Variants in LYZL2 observed in about 807,000 individuals in gnomAD.
LYZL2 encodes the protein lysozyme like 2, also known as lysozyme-like protein 2.
LYZL2 carries 13 observed loss-of-function variants against 17.1 expected under a neutral mutation model. The observed-to-expected ratio is 0.76, with a 90% CI of 0.49 to 1.21. The LOEUF (loss-of-function observed/expected upper bound fraction) is 1.21. Ranked by LOEUF, LYZL2 falls within the 50% of genes most tolerant of loss-of-function variation. The probability of loss-of-function intolerance (pLI) is 0.00; values close to 1 mark genes in which losing one functional copy is unlikely to be tolerated. For synonymous variants in LYZL2, 63 were observed against 74.4 expected (o/e 0.85, Z 0.79); for missense variants, 166 against 189.2 (o/e 0.88, Z 0.72).
chr10:30,618,725 A>G (rs1202605389), intron 3 of LYZL2, among the ~76,000 whole-genome samples: 1 of 152,246 alleles, frequency 6.6e-6, no homozygotes, highest in African/African-American at 2.4e-5. Context: ...TAAAAACCCT[A>G]GAAGAAAACC....
chr10:30,626,412 G>C, intron 2 of LYZL2, 149 bp from the exon 3 acceptor site: 6 of 1,317,242 alleles, frequency 4.6e-6, no homozygotes, highest in Non-Finnish European at 5.1e-6. Context: ...TGCCCAGGGG[G>C]CACACGAGGG....
intron 3 of LYZL2, among the ~76,000 whole-genome samples, chr10:30,617,639 C>A (rs1239083155): frequency 1.1e-4 from 13 of 114,962 alleles, no homozygotes; most frequent in Middle Eastern, 0.017. Flanking sequence ...CGTGCCACTG[C>A]ACTTCAGCCT....
At chr10:30,617,656 CAG>C (rs1838551752) in intron 3 of LYZL2, among the ~76,000 whole-genome samples, 1 of 84,864 alleles carries the variant, frequency 1.2e-5, no homozygotes, top group South Asian at 4.6e-4. Flanking sequence ...GCCTGGGTGA[CAG>C]AGTGAGACTC....
chr10:30,611,556 AAG>A (rs1564405771), downstream of LYZL2, among the ~76,000 whole-genome samples: 28 of 100,194 alleles, frequency 2.8e-4, no homozygotes, highest in East Asian at 5.7e-4. Context: ...GGAAGGAAGG[AAG>A]GAAGGAAGGA....
intron 3 of LYZL2, among the ~76,000 whole-genome samples, chr10:30,618,358 G>A (rs1267414873): frequency 4.6e-5 from 7 of 152,178 alleles, no homozygotes; most frequent in Admixed American, 2.0e-4. Context: ...AAAAGAGCCC[G>A]CATTGTCAAG....
At chr10:30,622,913 C>A (rs541381514) in intron 3 of LYZL2, among the ~76,000 whole-genome samples, 3 of 152,222 alleles carry the variant, frequency 2.0e-5, no homozygotes, top group Admixed American at 6.5e-5. Context: ...AAATAATTCA[C>A]CTTAAATATA....
intron 3 of LYZL2, among the ~76,000 whole-genome samples, chr10:30,618,155 A>T (rs1016455399): frequency 7.2e-5 from 11 of 152,076 alleles, no homozygotes; most frequent in African/African-American, 2.4e-4. Flanking sequence ...ACTACAAACC[A>T]CTGCTCAAGG....
intron 3 of LYZL2, among the ~76,000 whole-genome samples, chr10:30,613,773 T>A (rs1423540798): frequency 2.0e-5 from 3 of 152,190 alleles, no homozygotes; most frequent in Non-Finnish European, 2.9e-5. Context: ...TGGAGTGCAG[T>A]GGCATGATAA....
intron 3 of LYZL2, among the ~76,000 whole-genome samples, chr10:30,624,687 G>A (rs962379837): frequency 1.3e-5 from 2 of 152,200 alleles, no homozygotes; most frequent in African/African-American, 4.8e-5. Context: ...CATATGCCTG[G>A]CTATTTTTAA....
intron 3 of LYZL2, among the ~76,000 whole-genome samples, chr10:30,620,950 C>G (rs78984160): frequency 6.6e-6 from 1 of 151,308 alleles, no homozygotes; most frequent in Non-Finnish European, 1.5e-5. Flanking sequence ...TACTAAAAAA[C>G]GAGGAACCTC....
chr10:30,608,753 A>G (rs1838401250), downstream of LYZL2, among the ~76,000 whole-genome samples: 2 of 152,224 alleles, frequency 1.3e-5, no homozygotes, highest in South Asian at 4.1e-4. Context: ...TTGAAAACAA[A>G]AATGTTCTTA....
intron 3 of LYZL2, among the ~76,000 whole-genome samples, chr10:30,620,640 C>T (rs889384860): frequency 6.6e-6 from 1 of 152,018 alleles, no homozygotes; most frequent in Admixed American, 6.6e-5. Flanking sequence ...AGAAATGTGA[C>T]ACATACTAAG....
chr10:30,622,910 T>G (rs1221872517), intron 3 of LYZL2, among the ~76,000 whole-genome samples: 2 of 152,212 alleles, frequency 1.3e-5, no homozygotes, highest in Non-Finnish European at 2.9e-5. Flanking sequence ...TATAAATAAT[T>G]CACCTTAAAT....
chr10:30,608,768 G>A (rs974091318), downstream of LYZL2, among the ~76,000 whole-genome samples: 3 of 152,152 alleles, frequency 2.0e-5, no homozygotes, highest in African/African-American at 4.8e-5. Context: ...TTCTTAATGC[G>A]AGGTCTGATT....
chr10:30,615,108 C>T (rs1252985456), intron 3 of LYZL2, among the ~76,000 whole-genome samples: 1 of 152,062 alleles, frequency 6.6e-6, no homozygotes, highest in Non-Finnish European at 1.5e-5. Context: ...ATATGGCAGG[C>T]ATTAGCAACA....
intron 1 of LYZL2, among the ~76,000 whole-genome samples, chr10:30,627,900 C>T (rs1210146695): frequency 6.6e-6 from 1 of 152,202 alleles, no homozygotes; most frequent in Non-Finnish European, 1.5e-5. Context: ...TGGCTCACGC[C>T]TGTAATCCCG....
At chr10:30,622,199 G>C (rs559299359) in intron 3 of LYZL2, among the ~76,000 whole-genome samples, 1 of 152,080 alleles carries the variant, frequency 6.6e-6, no homozygotes, top group South Asian at 2.1e-4. Context: ...AGAAAAAATG[G>C]AACCAAGAAT....
At chr10:30,619,747 C>T (rs1277576410) in intron 3 of LYZL2, among the ~76,000 whole-genome samples, 1 of 151,906 alleles carries the variant, frequency 6.6e-6, no homozygotes, top group Non-Finnish European at 1.5e-5. Flanking sequence ...TTAATGAGTG[C>T]AGCACACCAA....
At chr10:30,614,208 AT>A (rs1838492931) in intron 3 of LYZL2, among the ~76,000 whole-genome samples, 1 of 152,236 alleles carries the variant, frequency 6.6e-6, no homozygotes. Flanking sequence ...TGATGCTGAG[AT>A]GGGTTTGAAA....
Sources: allele counts gnomAD v4.1 joint callset (sites outside exome capture counted in the v4.1 genomes callset), GRCh38; gene constraint gnomAD v4.1.1; transcripts MANE v1.5; gene names NCBI Gene and HGNC (gene_info 2026-07-23, HGNC 2026-07-21).